LRRIQ3: variants seen among roughly 807,000 people sequenced by gnomAD.
The protein encoded by LRRIQ3 is leucine-rich repeat and IQ domain-containing protein 3.
A neutral mutation model predicts 59.3 loss-of-function variants in LRRIQ3; 75 were observed. The ratio of observed to expected loss-of-function variants is 1.26; its 90% CI spans 1.05 to 1.53. The LOEUF is 1.53. LRRIQ3 is among the 40% of genes most tolerant of loss of function. The pLI is 0.00. For synonymous variants in LRRIQ3, 250 were observed against 231.3 expected (o/e 1.08, Z -0.73); for missense variants, 831 against 710.0 (o/e 1.17, Z -1.94).
chr1:74,169,151 C>G (rs527810294), intron 3 of LRRIQ3, among the ~76,000 whole-genome samples: 1 of 152,218 alleles, frequency 6.6e-6, no homozygotes, highest in Non-Finnish European at 1.5e-5. Flanking sequence ...TTAGATGCTT[C>G]ACATAGGAGA....
At chr1:74,102,788 G>T (rs1456989484) in intron 5 of LRRIQ3, among the ~76,000 whole-genome samples, 1 of 151,904 alleles carries the variant, frequency 6.6e-6, no homozygotes, top group Admixed American at 6.6e-5. Flanking sequence ...AATTCACACA[G>T]CTTTTTACCT....
intron 6 of LRRIQ3, among the ~76,000 whole-genome samples, chr1:74,069,962 A>G (rs1452682105): frequency 6.6e-6 from 1 of 152,108 alleles, no homozygotes; most frequent in Non-Finnish European, 1.5e-5. Flanking sequence ...TATTATAAAA[A>G]GTCAAAAAAC....
chr1:74,139,885 G>A (rs1647199944), intron 4 of LRRIQ3, among the ~76,000 whole-genome samples: 2 of 151,784 alleles, frequency 1.3e-5, no homozygotes, highest in Non-Finnish European at 2.9e-5. Context: ...AAGTAAATAA[G>A]CATATTTTAT....
chr1:74,131,915 T>C (rs1373343319), intron 4 of LRRIQ3, among the ~76,000 whole-genome samples: 1 of 152,170 alleles, frequency 6.6e-6, no homozygotes, highest in African/African-American at 2.4e-5. Context: ...GGTATTCAAT[T>C]AGGAAAAGAG....
intron 4 of LRRIQ3, among the ~76,000 whole-genome samples, chr1:74,132,212 T>A (rs536366270): frequency 2.6e-4 from 39 of 152,068 alleles, no homozygotes; most frequent in Middle Eastern, 3.4e-3. Context: ...GACTGATCAA[T>A]GAAATAAAAG....
At chr1:74,068,684 C>T (rs1008676969) in intron 6 of LRRIQ3, among the ~76,000 whole-genome samples, 1 of 151,968 alleles carries the variant, frequency 6.6e-6, no homozygotes, top group Admixed American at 6.6e-5. Flanking sequence ...TGCATGTTTG[C>T]TTTTAATTTA....
rs1351413147 is a variant in LRRIQ3, at chr1:74,180,868, G to C, written c.573+1670C>G. ...TTCCCCATCCACCCTAGCTAATGTA[G>C]CCCAAATCTCTACCCCTTTCAGTCT... On this transcript the variant is annotated intron_variant, in intron 3 of 7. Coordinates refer to ENST00000354431, the MANE Select transcript of LRRIQ3 (RefSeq NM_001105659.2). 4 of 1,400,706 alleles carry C rather than the reference G, an allele frequency of 2.9e-6. No individual in the cohort carries two copies. The Admixed American group carries it at 6.2e-5, about 22-fold the overall frequency. 86.8% of individuals were successfully genotyped at this position (1,400,706 alleles called of 1,614,324 possible).
chr1:74,066,852 G>A (rs1483792), intron 6 of LRRIQ3, among the ~76,000 whole-genome samples: 129,052 of 151,990 alleles, frequency 0.85, 55,666 homozygotes, highest in East Asian at 0.97. Flanking sequence ...TTCGTATGTA[G>A]TATAGCTAGA....
At chr1:74,091,363 T>C (rs1013433714) in intron 5 of LRRIQ3, among the ~76,000 whole-genome samples, 8 of 152,086 alleles carry the variant, frequency 5.3e-5, no homozygotes, top group South Asian at 2.1e-4. Context: ...ATTTTCACAA[T>C]TGATATTTCA....
At chr1:74,048,687 T>A (rs1654275133) in intron 6 of LRRIQ3, among the ~76,000 whole-genome samples, 1 of 152,162 alleles carries the variant, frequency 6.6e-6, no homozygotes, top group Non-Finnish European at 1.5e-5. Context: ...ATGTAAATTT[T>A]TTTTCCTTTG....
intron 6 of LRRIQ3, among the ~76,000 whole-genome samples, chr1:74,060,723 A>G (rs1654698387): frequency 6.6e-6 from 1 of 152,016 alleles, no homozygotes; most frequent in African/African-American, 2.4e-5. Context: ...CACACACCAA[A>G]AAAAGGTAGG....
intron 7 of LRRIQ3, among the ~76,000 whole-genome samples, chr1:74,040,597 C>A (rs767203022): frequency 1.3e-5 from 2 of 152,134 alleles, no homozygotes; most frequent in Non-Finnish European, 2.9e-5. Flanking sequence ...CAGTCTCTCA[C>A]ACCACAGTGC....
chr1:74,094,202 C>T (rs1041169218), intron 5 of LRRIQ3, among the ~76,000 whole-genome samples: 2 of 152,030 alleles, frequency 1.3e-5, no homozygotes, highest in Non-Finnish European at 2.9e-5. Flanking sequence ...TCTTTAGAGT[C>T]CCCATCTCCA....
intron 4 of LRRIQ3, among the ~76,000 whole-genome samples, chr1:74,145,873 T>C (rs895793106): frequency 1.3e-5 from 2 of 152,108 alleles, no homozygotes; most frequent in Non-Finnish European, 2.9e-5. Context: ...TAAAGACAAG[T>C]GTACATTTAA....
At chr1:74,089,570 T>C (rs1292447466) in intron 5 of LRRIQ3, among the ~76,000 whole-genome samples, 5 of 152,072 alleles carry the variant, frequency 3.3e-5, no homozygotes, top group African/African-American at 1.2e-4. Context: ...AACATTATAC[T>C]AAGTGGAAGT....
In LRRIQ3 at chr1:74,076,801, T is replaced by C. The variant is rs1483794; in HGVS notation, c.868-2011A>G. 4.0e-3 allele frequency among the ~76,000 whole-genome samples: 612 copies of C among 152,256 alleles called. 3 individuals carry two copies. The highest frequency in any genetic ancestry group is 0.014 in the African/African-American group (580 of 41,580). ...CTCATTATAGGTGTTAAGTATCATC[T>C]GTTCCTGGAATAAACCTGTTTTTAT... On this transcript the variant is annotated intron_variant, in intron 5 of 7. Coordinates refer to ENST00000354431, the MANE Select transcript of LRRIQ3 (RefSeq NM_001105659.2).
chr1:74,048,558 TCATC>T (rs2100408910), intron 6 of LRRIQ3, among the ~76,000 whole-genome samples: 1 of 152,298 alleles, frequency 6.6e-6, no homozygotes, highest in Admixed American at 6.5e-5. Flanking sequence ...ACCAATTAAT[TCATC>T]TATCTATCCT....
At chr1:74,071,567 C>T (rs550262958) in intron 6 of LRRIQ3, among the ~76,000 whole-genome samples, 1 of 152,232 alleles carries the variant, frequency 6.6e-6, no homozygotes, top group South Asian at 2.1e-4. Flanking sequence ...CCAGATGTCT[C>T]CTTGTTTCAT....
At chr1:74,167,034 A>C (rs952644567) in intron 3 of LRRIQ3, among the ~76,000 whole-genome samples, 15 of 152,138 alleles carry the variant, frequency 9.9e-5, no homozygotes, top group African/African-American at 3.6e-4. Context: ...TATGGAAAAC[A>C]GTGTGGAGAT....
Sources: allele counts gnomAD v4.1 joint callset (sites outside exome capture counted in the v4.1 genomes callset), GRCh38; gene constraint gnomAD v4.1.1; transcripts MANE v1.5; gene names NCBI Gene and HGNC (gene_info 2026-07-23, HGNC 2026-07-21).